RPS6KC1: variants seen among roughly 807,000 people sequenced by gnomAD.
RPS6KC1 encodes inactive ribosomal protein S6 kinase delta-1.
A neutral mutation model predicts 103.8 loss-of-function variants in RPS6KC1; 54 were observed. The observed-to-expected ratio is 0.52, with a 90% CI of 0.42 to 0.65. The LOEUF is 0.65. Ranked by LOEUF, RPS6KC1 falls within the 30% of genes least tolerant of loss-of-function variation. The pLI, the probability that RPS6KC1 is intolerant of heterozygous loss-of-function variation, is 0.00. For missense variants in RPS6KC1, 1,151 were observed against 1,253.8 expected (o/e 0.92, Z 1.24); for synonymous variants, 439 against 438.7 (o/e 1.00, Z -0.01).
chr1:213,632,095 C>T, the RPS6KC1 span, among the ~76,000 whole-genome samples: 5 of 152,110 alleles, frequency 3.3e-5, no homozygotes, highest in African/African-American at 1.2e-4. Flanking sequence ...GAGGTTTTTC[C>T]TTTTAATTGC....
chr1:213,355,137 G>T, the RPS6KC1 span, among the ~76,000 whole-genome samples: 1 of 152,060 alleles, frequency 6.6e-6, no homozygotes, highest in Non-Finnish European at 1.5e-5. Flanking sequence ...AGAATCACTT[G>T]AACCCAGGGA....
the RPS6KC1 span, among the ~76,000 whole-genome samples, chr1:213,785,486 C>A: frequency 6.6e-6 from 1 of 151,978 alleles, no homozygotes; most frequent in Non-Finnish European, 1.5e-5. Flanking sequence ...CCCAAAAGAT[C>A]AGGTCAGTTT....
At chr1:213,585,717 C>T in the RPS6KC1 span, among the ~76,000 whole-genome samples, 2 of 152,162 alleles carry the variant, frequency 1.3e-5, no homozygotes, top group African/African-American at 4.8e-5. Flanking sequence ...TGTCTCTCCT[C>T]CTGAGGCCTC....
chr1:213,600,491 G>A, the RPS6KC1 span, among the ~76,000 whole-genome samples: 1 of 152,228 alleles, frequency 6.6e-6, no homozygotes, highest in Admixed American at 6.5e-5. Context: ...GGGGGAATCA[G>A]AGATAGATGC....
chr1:213,832,409 G>A, the RPS6KC1 span: 2 of 152,108 alleles, frequency 1.3e-5, no homozygotes, highest in Non-Finnish European at 2.9e-5. Context: ...ACATTCATAA[G>A]CCATCCTTGG....
At chr1:213,188,314 A>C (rs910581598) in intron 8 of RPS6KC1, among the ~76,000 whole-genome samples, 2 of 151,728 alleles carry the variant, frequency 1.3e-5, no homozygotes, top group African/African-American at 4.8e-5. Flanking sequence ...GGGTGGAGGG[A>C]GGGTGAGATT....
At chr1:213,656,709 AG>A in the RPS6KC1 span, among the ~76,000 whole-genome samples, 1 of 152,190 alleles carries the variant, frequency 6.6e-6, no homozygotes, top group African/African-American at 2.4e-5. Context: ...CACTTCACTG[AG>A]GGGCTGGAAG....
chr1:213,404,772 G>A, the RPS6KC1 span, among the ~76,000 whole-genome samples: 84 of 152,298 alleles, frequency 5.5e-4, no homozygotes, highest in African/African-American at 1.9e-3. Context: ...TGGCACCCAC[G>A]GCCTCCCATT....
the RPS6KC1 span, among the ~76,000 whole-genome samples, chr1:213,649,960 GCTAT>G: frequency 6.6e-6 from 1 of 152,152 alleles, no homozygotes; most frequent in Non-Finnish European, 1.5e-5. Flanking sequence ...CTTTATCGGT[GCTAT>G]CTCATTCTTC....
chr1:213,502,103 C>G, the RPS6KC1 span, among the ~76,000 whole-genome samples: 300 of 152,326 alleles, frequency 2.0e-3, no homozygotes, highest in African/African-American at 6.6e-3. Flanking sequence ...CTAGTTGAGT[C>G]TATCCCTTAT....
chr1:213,145,364 G>C (rs1426087639), intron 6 of RPS6KC1, among the ~76,000 whole-genome samples: 1 of 152,132 alleles, frequency 6.6e-6, no homozygotes, highest in Non-Finnish European at 1.5e-5. Flanking sequence ...TGAAGTTAGA[G>C]TTTGTAGTTA....
the RPS6KC1 span, among the ~76,000 whole-genome samples, chr1:213,671,559 A>G: frequency 3.3e-5 from 5 of 152,222 alleles, no homozygotes; most frequent in Admixed American, 6.5e-5. Context: ...CGAGGCGGGC[A>G]TATCACTTGA....
chr1:213,718,249 A>G, the RPS6KC1 span, among the ~76,000 whole-genome samples: 1 of 152,234 alleles, frequency 6.6e-6, no homozygotes, highest in East Asian at 1.9e-4. Flanking sequence ...GAAAGGTAGA[A>G]CTGCTTTAGC....
chr1:213,410,310 G>C, the RPS6KC1 span, among the ~76,000 whole-genome samples: 8,125 of 152,206 alleles, frequency 0.053, 267 homozygotes, highest in African/African-American at 0.087. Context: ...CAGAGCCCAG[G>C]TGGAAGGGTC....
Position 213,051,448 on chromosome 1 carries a change from A to G in RPS6KC1, c.44A>G (p.Tyr15Cys), listed in dbSNP as rs2076937121. Residue 15 changes from tyrosine to cysteine, a missense_variant, in exon 1 of 15, where the codon TAC (tyrosine) becomes TGC (cysteine). Around this residue, in one of 3 missense-constraint regions of RPS6KC1, gnomAD observed 959 missense variants for 1,006.3 expected, o/e 0.95. Coordinates refer to ENST00000366960, the MANE Select transcript of RPS6KC1 (RefSeq NM_012424.6). ...CGGAGTGCCGACCTGGCCCGTTTCT[A>G]CACTGTCACCGAGCCCCAGCGACAC... ...RERSADLARFYTVTEPQRHPR... is the reference protein window; with the variant it reads ...RERSADLARFCTVTEPQRHPR... 6.2e-7 allele frequency: 1 copy of G among 1,613,778 alleles called. No homozygotes were observed.
At chr1:213,592,363 T>C in the RPS6KC1 span, among the ~76,000 whole-genome samples, 1 of 152,254 alleles carries the variant, frequency 6.6e-6, no homozygotes, top group Non-Finnish European at 1.5e-5. Flanking sequence ...TCCAGCAGTC[T>C]TATTTTGTCT....
chr1:213,122,325 G>A (rs543365730), intron 5 of RPS6KC1, among the ~76,000 whole-genome samples: 4 of 152,188 alleles, frequency 2.6e-5, no homozygotes, highest in Non-Finnish European at 5.9e-5. Flanking sequence ...TATATTTAAA[G>A]CACTGGTTGG....
At chr1:213,098,963 CTA>C (rs1202864572) in intron 3 of RPS6KC1, among the ~76,000 whole-genome samples, 2 of 152,108 alleles carry the variant, frequency 1.3e-5, no homozygotes, top group Non-Finnish European at 2.9e-5. Flanking sequence ...GTTTCTATGT[CTA>C]TAATTTTTCT....
chr1:213,176,333 C>G, intron 7 of RPS6KC1, 67 bp from the exon 8 acceptor site: 1 of 1,030,632 alleles, frequency 9.7e-7, no homozygotes, highest in East Asian at 2.5e-5. Context: ...CTGGCATTTG[C>G]TTCAGCAGGC....
Sources: allele counts gnomAD v4.1 joint callset (sites outside exome capture counted in the v4.1 genomes callset), GRCh38; gene constraint gnomAD v4.1.1; regional missense constraint gnomAD v4.1.1; transcripts MANE v1.5; gene names NCBI Gene and HGNC (gene_info 2026-07-23, HGNC 2026-07-21).